Variants in FAM199X observed in about 807,000 individuals in gnomAD.
FAM199X encodes family with sequence similarity 199, X-linked, also known as protein FAM199X.
FAM199X carries 4 observed loss-of-function variants against 22.9 expected under a neutral mutation model. The observed-to-expected ratio is 0.17, with a 90% CI of 0.09 to 0.40. The LOEUF is 0.40. Ranked by LOEUF, FAM199X falls within the 10% of genes least tolerant of loss-of-function variation. The pLI, the probability that FAM199X is intolerant of heterozygous loss-of-function variation, is 1.00. For missense variants in FAM199X, 183 were observed against 306.8 expected (o/e 0.60, Z 3.01); for synonymous variants, 101 against 112.3 (o/e 0.90, Z 0.64).
intron 1 of FAM199X, among the ~76,000 whole-genome samples, chrX:104,174,761 GT>G (rs1921448539): frequency 9.0e-6 from 1 of 111,385 alleles, no homozygotes; most frequent in Non-Finnish European, 1.9e-5. Context: ...ACACAGAATG[GT>G]TGCTGATTCT....
In FAM199X at chrX:104,195,772, T is replaced by C. The variant is rs2055096658; in HGVS notation, c.*5994T>C. 1 of 111,071 alleles carries C rather than the reference T, an allele frequency of 9.0e-6. No homozygotes were observed. Among genetic ancestry groups the C allele is most frequent in the Non-Finnish European group, 1.9e-5 (1 of 52,906 alleles). The allele number at this position is 111,071 out of a possible 1,213,427, so 9.2% of individuals were successfully genotyped here. The stretch of plus-strand genomic sequence containing the variant: ...TTGGAATAGAACTTATTCTCAAAAT[T>C]CCTTTAGTGTTATTAAATATTTTCA... On this transcript the variant is annotated 3_prime_UTR_variant, in exon 6 of 6. Coordinates refer to ENST00000493442, the MANE Select transcript of FAM199X (RefSeq NM_207318.4).
chrX:104,176,350 A>G (rs1251485772), intron 2 of FAM199X, among the ~76,000 whole-genome samples: 1 of 112,268 alleles, frequency 8.9e-6, no homozygotes, highest in East Asian at 2.8e-4. Context: ...ACCATGTAAA[A>G]TGGCTTTGTG....
At position 104,180,884 on chromosome X, in the gene FAM199X, A is replaced by G. The variant is rs1556377682; in HGVS notation, c.417+5042A>G. On this transcript the variant is annotated intron_variant, in intron 2 of 5. Transcript: ENST00000493442. ...TTAGTTACTACTAAAGTAAATATAA[A>G]TGATTTATGGATTCTCTGGGAAGAA... 3.6e-5 allele frequency among the ~76,000 whole-genome samples: 4 copies of G among 112,386 alleles called. No homozygotes were observed. The Admixed American group carries it at 3.8e-4, about 11-fold the overall frequency.
At chrX:104,182,306 A>G (rs1406564581) in intron 2 of FAM199X, among the ~76,000 whole-genome samples, 1 of 109,764 alleles carries the variant, frequency 9.1e-6, no homozygotes, top group Non-Finnish European at 1.9e-5. Flanking sequence ...TTCATGTTAT[A>G]TTTTTCCTAT....
At chrX:104,173,340 A>C (rs1921405861) in intron 1 of FAM199X, among the ~76,000 whole-genome samples, 1 of 111,837 alleles carries the variant, frequency 8.9e-6, no homozygotes, top group Non-Finnish European at 1.9e-5. Context: ...TCTTAGATGA[A>C]TTTTATTTTT....
chrX:104,165,245 A>C (rs1556373466), upstream of FAM199X, among the ~76,000 whole-genome samples: 1 of 112,788 alleles, frequency 8.9e-6, no homozygotes, highest in Non-Finnish European at 1.9e-5. Flanking sequence ...CAACAGTCAA[A>C]CAACCAAGTA....
At chrX:104,167,463 T>G (rs1921240723) in intron 1 of FAM199X, among the ~76,000 whole-genome samples, 1 of 110,277 alleles carries the variant, frequency 9.1e-6, no homozygotes, top group South Asian at 3.9e-4. Context: ...ATTTTCCCTA[T>G]TTTTAATCTG....
In FAM199X at chrX:104,166,485, G is replaced by A. The variant is rs1358385308; in HGVS notation, c.-301G>A. The A allele has an allele frequency of 5.5e-5, 9 of 164,428 alleles. No individual in the cohort carries two copies. The highest frequency in any genetic ancestry group is 2.2e-3 in the Middle Eastern group (1 of 462). The allele number at this position is 164,428 out of a possible 1,213,427, so 13.6% of individuals were successfully genotyped here. ...AGCGGCGAGCGCAGTGGGCGGGGCG[G>A]GCCTGGCCGGGCCGGGCGGCGGCGC... On this transcript the variant is annotated 5_prime_UTR_variant, in exon 1 of 6. Coordinates refer to ENST00000493442, the MANE Select transcript of FAM199X (RefSeq NM_207318.4).
rs148451159 is a variant in FAM199X at position 104,183,802 on chromosome X, G to A, written c.418-2264G>A. ...TTAAAAGAAGTTATACAGATTGTTG[G>A]TAGTCACTTATGTACTTGGACTTGT... On this transcript the variant is annotated intron_variant, in intron 2 of 5. Transcript: ENST00000493442. Among the ~76,000 whole-genome samples, 673 of 112,252 alleles carry A rather than the reference G, an allele frequency of 6.0e-3. 1 individual carries two copies. Among genetic ancestry groups the A allele is most frequent in the Non-Finnish European group, 9.0e-3 (477 of 53,208 alleles).
At chrX:104,159,771 G>T in the FAM199X span, among the ~76,000 whole-genome samples, 6 of 111,877 alleles carry the variant, frequency 5.4e-5, no homozygotes, top group East Asian at 2.8e-4. Flanking sequence ...ATTGCACTCT[G>T]CAGAAGAGGT....
chrX:104,158,307 G>T, the FAM199X span, among the ~76,000 whole-genome samples: 6 of 111,353 alleles, frequency 5.4e-5, 1 homozygote, highest in South Asian at 2.2e-3. Flanking sequence ...TGGCAGCCAA[G>T]GAGGTGACTA....
Position 104,194,765 on chromosome X carries a change from T to C in FAM199X, c.*4987T>C, listed in dbSNP as rs1556381234. On this transcript the variant is annotated 3_prime_UTR_variant, in exon 6 of 6. Transcript: ENST00000493442. Reference sequence around the variant, plus strand: ...ATTGTGGGTTTTTGTTTTTGCTTTTTAGTTTCAAAGATTAGTTATGTAGCA... The same window carrying C: ...ATTGTGGGTTTTTGTTTTTGCTTTTCAGTTTCAAAGATTAGTTATGTAGCA... The C allele has an allele frequency of 1.8e-5, 2 of 112,003 alleles. No individual in the cohort carries two copies. The highest frequency in any genetic ancestry group is 6.5e-5 in the African/African-American group (2 of 30,932). 9.2% of individuals were successfully genotyped at this position (112,003 alleles called of 1,213,427 possible). A position where few individuals can be genotyped will look rare whatever the true frequency, so the allele number is the denominator to read the frequency against.
intron 1 of FAM199X, among the ~76,000 whole-genome samples, chrX:104,169,488 C>T (rs1206435963): frequency 8.9e-6 from 1 of 111,980 alleles, no homozygotes; most frequent in Non-Finnish European, 1.9e-5. Flanking sequence ...TTACTGGATT[C>T]TGGGCTATAT....
chrX:104,160,589 A>G, the FAM199X span, among the ~76,000 whole-genome samples: 1 of 112,401 alleles, frequency 8.9e-6, no homozygotes, highest in African/African-American at 3.2e-5. Context: ...TTAGTCTAGA[A>G]GTGTTAAAAG....
chrX:104,185,228 G>C lies in FAM199X; in HGVS notation c.418-838G>C, dbSNP rs782610625. Among the ~76,000 whole-genome samples, 322 of 109,632 alleles carry C rather than the reference G, an allele frequency of 2.9e-3. 1 individual carries two copies. Among genetic ancestry groups the C allele is most frequent in the Non-Finnish European group, 4.2e-3 (220 of 52,686 alleles). ...GGCCTTAATTTATTTTAATTGTCTT[G>C]AGGTCACTAATACAGACTTGAGGTC... is the stretch of plus-strand genomic sequence containing the variant. On this transcript the variant is annotated intron_variant, in intron 2 of 5. Coordinates refer to ENST00000493442, the MANE Select transcript of FAM199X (RefSeq NM_207318.4).
intron 2 of FAM199X, among the ~76,000 whole-genome samples, chrX:104,185,748 G>C (rs906235064): frequency 2.7e-5 from 3 of 110,729 alleles, no homozygotes; most frequent in Non-Finnish European, 5.7e-5. Context: ...GTAACTACAG[G>C]CACAGGCCAC....
At chrX:104,167,079 C>G (rs1302009381) in intron 1 of FAM199X, 97 bp downstream of exon 1, 2 of 774,201 alleles carry the variant, frequency 2.6e-6, no homozygotes, top group South Asian at 3.3e-5. Context: ...GTCGCCCCCT[C>G]CCCCACCTGC....
At chrX:104,175,283 T>G (rs1391340023) in intron 1 of FAM199X, among the ~76,000 whole-genome samples, 1 of 112,180 alleles carries the variant, frequency 8.9e-6, no homozygotes, top group African/African-American at 3.2e-5. Flanking sequence ...TCTTTTAAAA[T>G]AGTGTACTAC....
At chrX:104,183,215 A>G (rs2147895271) in intron 2 of FAM199X, among the ~76,000 whole-genome samples, 1 of 110,018 alleles carries the variant, frequency 9.1e-6, no homozygotes, top group Non-Finnish European at 1.9e-5. Flanking sequence ...AAGGAACTTG[A>G]TGTAGGGGAG....
Sources: gnomAD v4.1 joint callset for allele counts (sites outside exome capture counted in the v4.1 genomes callset) on GRCh38, gnomAD v4.1.1 for gene constraint, MANE v1.5 for transcripts, NCBI Gene and HGNC (gene_info 2026-07-23, HGNC 2026-07-21) for gene names.